The following THSD7A variants were observed in gnomAD, a reference collection of about 807,000 sequenced individuals.
THSD7A encodes thrombospondin type-1 domain-containing protein 7A.
Under a neutral mutation model 231.3 loss-of-function variants are expected in THSD7A, and 96 were observed. That is an observed-to-expected ratio of 0.41 (90% CI 0.35 to 0.49). The LOEUF is 0.49. THSD7A is among the 20% of genes least tolerant of loss of function. The probability of loss-of-function intolerance (pLI) is 0.05; values close to 1 mark genes in which losing one functional copy is unlikely to be tolerated. For missense variants in THSD7A, 2,290 were observed against 2,070.2 expected, an observed-to-expected ratio of 1.11 and a Z score of -2.06; for synonymous variants, 940 against 743.3, an observed-to-expected ratio of 1.26 and a Z score of -4.30.
At chr7:11,423,723 G>A (rs1784228579) in intron 16 of THSD7A, among the ~76,000 whole-genome samples, 2 of 152,048 alleles carry the variant, frequency 1.3e-5, no homozygotes, top group African/African-American at 2.4e-5. Context: ...TGGGAGACTT[G>A]GGTTTGAATT....
chr7:11,784,604 T>C (rs1378908007), intron 1 of THSD7A, among the ~76,000 whole-genome samples: 1 of 152,104 alleles, frequency 6.6e-6, no homozygotes, highest in Non-Finnish European at 1.5e-5. Context: ...CTAGGTTTAT[T>C]TATTTTCCTT....
At chr7:11,549,231 G>A (rs1442399546) in intron 4 of THSD7A, among the ~76,000 whole-genome samples, 2 of 152,098 alleles carry the variant, frequency 1.3e-5, no homozygotes, top group East Asian at 3.9e-4. Flanking sequence ...TTACTAAAAA[G>A]TCAAGAAACA....
chr7:11,803,909 G>A (rs1026016851), intron 1 of THSD7A, among the ~76,000 whole-genome samples: 14 of 151,958 alleles, frequency 9.2e-5, no homozygotes, highest in African/African-American at 3.4e-4. Flanking sequence ...ACATCACACA[G>A]TATACATTAC....
At chr7:11,413,147 G>A (rs780068802) in intron 17 of THSD7A, among the ~76,000 whole-genome samples, 6 of 151,380 alleles carry the variant, frequency 4.0e-5, no homozygotes, top group South Asian at 4.2e-4. Flanking sequence ...TGTGGATTAC[G>A]TATAGTCTTT....
intron 25 of THSD7A, 136 bp from the exon 26 acceptor site, chr7:11,379,416 T>A: frequency 2.1e-6 from 2 of 933,654 alleles, no homozygotes; most frequent in Non-Finnish European, 1.6e-6. Context: ...TATTTTTAAC[T>A]ACAAAGAAAC....
chr7:11,391,007 G>A (rs759449863), intron 23 of THSD7A, among the ~76,000 whole-genome samples: 1 of 152,324 alleles, frequency 6.6e-6, no homozygotes, highest in Non-Finnish European at 1.5e-5. Context: ...GCCAGCCAGA[G>A]CTCTCCTTTA....
At chr7:11,527,537 C>A (rs918319610) in intron 6 of THSD7A, among the ~76,000 whole-genome samples, 1 of 152,178 alleles carries the variant, frequency 6.6e-6, no homozygotes, top group East Asian at 1.9e-4. Flanking sequence ...GAAGAATCCT[C>A]TTCCAACTAG....
At chr7:11,618,674 G>C (rs1175282326) in intron 2 of THSD7A, among the ~76,000 whole-genome samples, 4 of 151,962 alleles carry the variant, frequency 2.6e-5, no homozygotes, top group African/African-American at 9.7e-5. Context: ...TGTAGTCCCA[G>C]CTACTTGGGA....
intron 1 of THSD7A, among the ~76,000 whole-genome samples, chr7:11,789,342 A>G (rs1047543381): frequency 6.6e-6 from 1 of 152,076 alleles, no homozygotes; most frequent in Non-Finnish European, 1.5e-5. Flanking sequence ...GAAAGCCATC[A>G]GAATATTTTA....
At chr7:11,588,185 G>A (rs933545563) in intron 4 of THSD7A, among the ~76,000 whole-genome samples, 2 of 152,036 alleles carry the variant, frequency 1.3e-5, no homozygotes, top group Non-Finnish European at 1.5e-5. Flanking sequence ...TAATCTTCAA[G>A]CCCACAGCCT....
At chr7:11,779,243 C>T (rs1196710383) in intron 1 of THSD7A, among the ~76,000 whole-genome samples, 1 of 152,144 alleles carries the variant, frequency 6.6e-6, no homozygotes. Context: ...AGTTCATCCA[C>T]CTTTCAGAAA....
At chr7:11,773,110 G>A (rs984732090) in intron 1 of THSD7A, among the ~76,000 whole-genome samples, 3 of 152,104 alleles carry the variant, frequency 2.0e-5, no homozygotes, top group African/African-American at 7.2e-5. Flanking sequence ...TCATATGTTT[G>A]CTTGCAAAGA....
At chr7:11,801,763 AT>A (rs1784284726) in intron 1 of THSD7A, among the ~76,000 whole-genome samples, 1 of 152,188 alleles carries the variant, frequency 6.6e-6, no homozygotes, top group Admixed American at 6.5e-5. Flanking sequence ...GTATGTCGTA[AT>A]CATGTTTTTC....
At chr7:11,783,140 C>T (rs1320097809) in intron 1 of THSD7A, among the ~76,000 whole-genome samples, 1 of 152,102 alleles carries the variant, frequency 6.6e-6, no homozygotes, top group Admixed American at 6.5e-5. Context: ...ATACAGATGC[C>T]CTTCTACTTA....
intron 1 of THSD7A, among the ~76,000 whole-genome samples, chr7:11,788,028 C>G (rs1018687188): frequency 6.6e-6 from 1 of 152,048 alleles, no homozygotes; most frequent in Non-Finnish European, 1.5e-5. Flanking sequence ...CAAAACCCAA[C>G]TCACCATCTT....
Position 11,807,495 on chromosome 7 carries a change from AG to A in THSD7A, c.190+24261del, listed in dbSNP as rs1554280531. Reference sequence around the variant, plus strand: ...GATATGGAAAGAATATATAAAATAAAGTAAAATTATAAAACAAATTATTGAT... The same window carrying A: ...GATATGGAAAGAATATATAAAATAAATAAAATTATAAAACAAATTATTGAT... On this transcript the variant is annotated intron_variant, in intron 1 of 27. Coordinates refer to ENST00000423059, the MANE Select transcript of THSD7A (RefSeq NM_015204.3). 1.3e-3 allele frequency among the ~76,000 whole-genome samples: 203 copies of A among 152,266 alleles called. 3 individuals carry two copies. The Middle Eastern group carries it at 0.02, about 15-fold the overall frequency.
chr7:11,695,190 A>G (rs1780350061), intron 1 of THSD7A, among the ~76,000 whole-genome samples: 1 of 151,552 alleles, frequency 6.6e-6, no homozygotes, highest in Non-Finnish European at 1.5e-5. Flanking sequence ...TCTCCTGTTC[A>G]TCTCTTGCTG....
chr7:11,458,266 A>G (rs1208061159), intron 11 of THSD7A, among the ~76,000 whole-genome samples: 1 of 152,116 alleles, frequency 6.6e-6, no homozygotes, highest in African/African-American at 2.4e-5. Flanking sequence ...CGAGTAAATA[A>G]TATGGAGTTC....
chr7:11,478,486 T>G (rs1786286326), intron 7 of THSD7A, among the ~76,000 whole-genome samples: 1 of 152,132 alleles, frequency 6.6e-6, no homozygotes, highest in Non-Finnish European at 1.5e-5. Context: ...ACAGACCTCC[T>G]ATCTGCTGGC....
Sources: allele counts gnomAD v4.1 joint callset (sites outside exome capture counted in the v4.1 genomes callset), GRCh38; gene constraint gnomAD v4.1.1; transcripts MANE v1.5; gene names NCBI Gene and HGNC (gene_info 2026-07-23, HGNC 2026-07-21).